LIMCH1: variants seen among roughly 807,000 people sequenced by gnomAD.
LIMCH1 encodes the protein LIM and calponin homology domains-containing protein 1.
In LIMCH1, 113 loss-of-function variants were observed where a neutral mutation model predicts 176.5. The observed-to-expected ratio is 0.64, with a 90% CI of 0.55 to 0.75. LIMCH1 has a LOEUF of 0.75. Ranked by LOEUF, LIMCH1 falls within the 30% of genes least tolerant of loss-of-function variation. The pLI, the probability that LIMCH1 is intolerant of heterozygous loss-of-function variation, is 0.00. For missense variants in LIMCH1, 1,674 were observed against 1,814.9 expected, an observed-to-expected ratio of 0.92 and a Z score of 1.41; for synonymous variants, 619 against 645.9, an observed-to-expected ratio of 0.96 and a Z score of 0.63.
chr4:41,534,214 C>T (rs533281196), upstream of LIMCH1, among the ~76,000 whole-genome samples: 1 of 152,238 alleles, frequency 6.6e-6, no homozygotes, highest in Non-Finnish European at 1.5e-5. Context: ...GATGAGGAGA[C>T]AGGATTTACT....
intron 1 of LIMCH1, among the ~76,000 whole-genome samples, chr4:41,546,686 C>G (rs1055349303): frequency 6.6e-6 from 1 of 151,944 alleles, no homozygotes; most frequent in Non-Finnish European, 1.5e-5. Flanking sequence ...TGTTGCTTCC[C>G]CTGTGATAGA....
chr4:41,553,115 T>A (rs1448508948), intron 1 of LIMCH1, among the ~76,000 whole-genome samples: 1 of 152,170 alleles, frequency 6.6e-6, no homozygotes, highest in East Asian at 1.9e-4. Flanking sequence ...TGATGGCCAG[T>A]TGGTCTCTGC....
chr4:41,657,371 C>T (rs552834042), intron 18 of LIMCH1, among the ~76,000 whole-genome samples: 11 of 152,148 alleles, frequency 7.2e-5, no homozygotes, highest in Non-Finnish European at 1.5e-4. Context: ...TCATTTCCTT[C>T]GAAGTAATGA....
intron 1 of LIMCH1, among the ~76,000 whole-genome samples, chr4:41,429,576 A>G (rs1358312650): frequency 6.6e-6 from 1 of 152,172 alleles, no homozygotes; most frequent in Non-Finnish European, 1.5e-5. Flanking sequence ...TCAGATTTGA[A>G]CCTATAAAGA....
At chr4:41,390,598 A>C (rs977747779) in intron 1 of LIMCH1, among the ~76,000 whole-genome samples, 1 of 152,240 alleles carries the variant, frequency 6.6e-6, no homozygotes, top group Non-Finnish European at 1.5e-5. Flanking sequence ...TATTGTAAAC[A>C]TATCACTTTA....
At chr4:41,638,710 G>A (rs2093696978) in intron 13 of LIMCH1, among the ~76,000 whole-genome samples, 1 of 151,932 alleles carries the variant, frequency 6.6e-6, no homozygotes, top group Non-Finnish European at 1.5e-5. Context: ...TTCTCTTCTG[G>A]GTTTTGAGAT....
At chr4:41,362,255 A>G (rs549743790) in intron 1 of LIMCH1, among the ~76,000 whole-genome samples, 1 of 152,254 alleles carries the variant, frequency 6.6e-6, no homozygotes, top group Admixed American at 6.5e-5. Context: ...AAACAGAACA[A>G]TGAACATCAG....
intron 2 of LIMCH1, among the ~76,000 whole-genome samples, chr4:41,520,821 T>C (rs973476076): frequency 6.6e-6 from 1 of 152,232 alleles, no homozygotes; most frequent in African/African-American, 2.4e-5. Flanking sequence ...AGGATTATGC[T>C]AATTTTCCAG....
chr4:41,457,852 G>T (rs2064808646), intron 1 of LIMCH1, among the ~76,000 whole-genome samples: 1 of 152,148 alleles, frequency 6.6e-6, no homozygotes, highest in African/African-American at 2.4e-5. Flanking sequence ...TGCCTTCAAA[G>T]ACTTTGTTAT....
At position 41,633,090 on chromosome 4, in the gene LIMCH1, G is replaced by A. The variant is rs190811295; in HGVS notation, c.1829+5G>A. On this transcript the variant is annotated splice_donor_5th_base_variant and intron_variant, in intron 12 of 31. Transcript: ENST00000503057. Reference sequence around the variant, plus strand: ...AGAGGACAGCAGCCAGCCACTGTGAGCATCTTGCCTGCGCTCTGCTCCGTG... The same window carrying A: ...AGAGGACAGCAGCCAGCCACTGTGAACATCTTGCCTGCGCTCTGCTCCGTG... The A allele has an allele frequency of 2.0e-4, 302 of 1,527,136 alleles. 1 individual carries two copies. Among genetic ancestry groups the A allele is most frequent in the Admixed American group, 1.2e-3 (63 of 50,992 alleles). 94.6% of individuals were successfully genotyped at this position (1,527,136 alleles called of 1,614,324 possible).
At chr4:41,417,325 C>A (rs2060033204) in intron 1 of LIMCH1, among the ~76,000 whole-genome samples, 1 of 152,094 alleles carries the variant, frequency 6.6e-6, no homozygotes. Flanking sequence ...TTACAACACC[C>A]CTTTGAAATC....
At chr4:41,453,514 A>G (rs1486574235) in intron 1 of LIMCH1, 1 of 152,296 alleles carries the variant, frequency 6.6e-6, no homozygotes, top group Non-Finnish European at 1.5e-5. Flanking sequence ...CTATCCATTA[A>G]GTGGAAGTGG....
intron 1 of LIMCH1, among the ~76,000 whole-genome samples, chr4:41,541,061 G>T (rs894072153): frequency 6.6e-6 from 1 of 152,198 alleles, no homozygotes; most frequent in South Asian, 2.1e-4. Context: ...AGCAGATGAA[G>T]TCTAACTGTA....
At chr4:41,498,078 A>T (rs2072534313) in intron 2 of LIMCH1, among the ~76,000 whole-genome samples, 1 of 152,176 alleles carries the variant, frequency 6.6e-6, no homozygotes, top group African/African-American at 2.4e-5. Flanking sequence ...TGGTGGTTCC[A>T]CTTGGGCTAA....
At chr4:41,489,203 G>C (rs2070278855) in intron 1 of LIMCH1, among the ~76,000 whole-genome samples, 1 of 151,792 alleles carries the variant, frequency 6.6e-6, no homozygotes, top group Admixed American at 6.6e-5. Context: ...AATTTTATTG[G>C]CCAAGAGTTT....
At chr4:41,604,211 C>A in intron 3 of LIMCH1, 1 of 984,952 alleles carries the variant, frequency 1.0e-6, no homozygotes, top group South Asian at 4.7e-5. Flanking sequence ...TAACATTAGC[C>A]CCTTTCCATT....
At chr4:41,423,798 A>C (rs951063535) in intron 1 of LIMCH1, among the ~76,000 whole-genome samples, 1 of 152,182 alleles carries the variant, frequency 6.6e-6, no homozygotes. Flanking sequence ...AAAGTGCTAT[A>C]AAGGTGTGGA....
At position 41,629,750 on chromosome 4, in the gene LIMCH1, C is replaced by T. The variant is rs1452370212; in HGVS notation, c.1271+16C>T. The T allele has an allele frequency of 1.3e-6, 2 of 1,525,022 alleles. No individual in the cohort carries two copies. Among genetic ancestry groups the T allele is most frequent in the East Asian group, 2.5e-5 (1 of 40,674 alleles). 94.5% of individuals were successfully genotyped at this position (1,525,022 alleles called of 1,614,324 possible). A position where few individuals can be genotyped will look rare whatever the true frequency, so the allele number is the denominator to read the frequency against. Reference sequence around the variant, plus strand: ...AAAAGGCGAGGTGTGTCATGTTTCCCCCCCAGTTTCCCCCTGGCAGTCATG... The same window carrying T: ...AAAAGGCGAGGTGTGTCATGTTTCCTCCCCAGTTTCCCCCTGGCAGTCATG... On this transcript the variant is annotated intron_variant, in intron 9 of 31. Coordinates refer to ENST00000503057, the MANE Select transcript of LIMCH1 (RefSeq NM_001330672.2).
In LIMCH1 at chr4:41,662,997, G is replaced by A. The variant is rs757948512; in HGVS notation, c.3291+13G>A. ...GCTGTCACAAAAGGTGAAGTGCAGA[G>A]TGGAGGAAAGCGGTTAAACCCACAA... is the stretch of plus-strand genomic sequence containing the variant. On this transcript the variant is annotated intron_variant, in intron 20 of 31. Transcript: ENST00000503057. The A allele has an allele frequency of 1.7e-5, 28 of 1,611,054 alleles. No individual in the cohort carries two copies. In the Admixed American group the frequency reaches 4.4e-4, roughly 25 times the overall value.
Sources: gnomAD v4.1 joint callset for allele counts (sites outside exome capture counted in the v4.1 genomes callset) on GRCh38, gnomAD v4.1.1 for gene constraint, MANE v1.5 for transcripts, NCBI Gene and HGNC (gene_info 2026-07-23, HGNC 2026-07-21) for gene names.